The following SRPK1 variants were observed in gnomAD, a reference collection of about 807,000 sequenced individuals.
SRPK1 encodes the protein SRSF protein kinase 1.
SRPK1 carries 52 observed loss-of-function variants against 89.5 expected under a neutral mutation model. The observed-to-expected ratio is 0.58, with a 90% CI of 0.46 to 0.73. The LOEUF (loss-of-function observed/expected upper bound fraction) is 0.73, where lower values mean the gene tolerates loss of function less well. Among genes scored for constraint, SRPK1 ranks in the 30% least tolerant of loss-of-function variants. The pLI, the probability that SRPK1 is intolerant of heterozygous loss-of-function variation, is 0.00. For synonymous variants in SRPK1, 255 were observed against 270.2 expected, an observed-to-expected ratio of 0.94 and a Z score of 0.55; for missense variants, 603 against 780.6, an observed-to-expected ratio of 0.77 and a Z score of 2.71.
At chr6:35,839,132 C>T (rs1164969039) in intron 14 of SRPK1, among the ~76,000 whole-genome samples, 1 of 152,244 alleles carries the variant, frequency 6.6e-6, no homozygotes, top group Non-Finnish European at 1.5e-5. Context: ...CATTCTGTCT[C>T]AGCCTCCCCA....
At chr6:35,911,751 G>C (rs1341056212) in intron 2 of SRPK1, among the ~76,000 whole-genome samples, 1 of 151,796 alleles carries the variant, frequency 6.6e-6, no homozygotes, top group Non-Finnish European at 1.5e-5. Context: ...TCTTGAGATG[G>C]AATCTACTAT....
At chr6:35,914,360 TACA>T (rs1022064937) in intron 2 of SRPK1, among the ~76,000 whole-genome samples, 2 of 152,166 alleles carry the variant, frequency 1.3e-5, no homozygotes, top group Non-Finnish European at 2.9e-5. Context: ...AATTCAAAAT[TACA>T]ACAAGGTATT....
At chr6:35,915,078 G>A (rs1430507478) in intron 2 of SRPK1, among the ~76,000 whole-genome samples, 1 of 152,156 alleles carries the variant, frequency 6.6e-6, no homozygotes, top group Non-Finnish European at 1.5e-5. Flanking sequence ...TTACAGGCTT[G>A]AGCCACTGTG....
chr6:35,883,869 G>A (rs1219265437), intron 6 of SRPK1, among the ~76,000 whole-genome samples: 1 of 151,896 alleles, frequency 6.6e-6, no homozygotes, highest in Non-Finnish European at 1.5e-5. Context: ...TGAGTAGCTG[G>A]GACTACAGGC....
intron 2 of SRPK1, among the ~76,000 whole-genome samples, chr6:35,913,947 C>T (rs934918484): frequency 1.3e-4 from 20 of 149,084 alleles, no homozygotes; most frequent in Non-Finnish European, 2.4e-4. Context: ...AAAAGTCTGC[C>T]GCACAACAAA....
intron 2 of SRPK1, among the ~76,000 whole-genome samples, chr6:35,893,150 G>A (rs9470161): frequency 0.32 from 47,983 of 152,038 alleles, 7,807 homozygotes; most frequent in South Asian, 0.42. Context: ...AGATTAAGAT[G>A]GAATTCTGAA....
At chr6:35,864,568 A>C (rs566028764) in intron 12 of SRPK1, among the ~76,000 whole-genome samples, 39 of 152,324 alleles carry the variant, frequency 2.6e-4, no homozygotes, top group Middle Eastern at 6.8e-3. Context: ...GGATGTGGAG[A>C]AAAGGGAACC....
At chr6:35,846,055 G>A (rs368216523) in intron 13 of SRPK1, among the ~76,000 whole-genome samples, 1 of 152,178 alleles carries the variant, frequency 6.6e-6, no homozygotes, top group Non-Finnish European at 1.5e-5. Flanking sequence ...TTAAAAGGTT[G>A]CCAAAGAATA....
At chr6:35,847,003 C>A (rs1256870764) in intron 13 of SRPK1, among the ~76,000 whole-genome samples, 1 of 152,132 alleles carries the variant, frequency 6.6e-6, no homozygotes, top group African/African-American at 2.4e-5. Context: ...GAATGTACCT[C>A]AACACAATAA....
At chr6:35,916,462 T>C (rs1771104618) in intron 2 of SRPK1, among the ~76,000 whole-genome samples, 1 of 152,140 alleles carries the variant, frequency 6.6e-6, no homozygotes, top group Non-Finnish European at 1.5e-5. Context: ...TTTAAATTGT[T>C]TCAAATTTAC....
intron 12 of SRPK1, among the ~76,000 whole-genome samples, chr6:35,866,978 T>C (rs1237711691): frequency 2.0e-5 from 3 of 152,060 alleles, no homozygotes; most frequent in Admixed American, 2.0e-4. Flanking sequence ...CATGGAGGTA[T>C]AGTGTGGAAT....
chr6:35,863,352 G>T (rs923703366), intron 12 of SRPK1, among the ~76,000 whole-genome samples: 3 of 151,266 alleles, frequency 2.0e-5, no homozygotes, highest in African/African-American at 7.3e-5. Flanking sequence ...AGTTACTCAG[G>T]AGGCTGGGGC....
intron 6 of SRPK1, among the ~76,000 whole-genome samples, chr6:35,879,697 G>A (rs1337040097): frequency 2.0e-5 from 3 of 152,050 alleles, no homozygotes; most frequent in Admixed American, 1.3e-4. Context: ...ATATTCAAAC[G>A]ACAAAAATAA....
rs760495792 is a variant in SRPK1, at chr6:35,835,307, G to A, written c.1965C>T (p.Ser655=). The A allele has an allele frequency of 1.2e-5, 19 of 1,612,864 alleles. No individual in the cohort carries two copies. The South Asian group carries it at 2.1e-4, about 18-fold the overall frequency. Residue 655 remains serine (S), a synonymous_variant, in exon 16 of 16, where the codon TCC becomes TCT. Coordinates refer to ENST00000373825, the MANE Select transcript of SRPK1 (RefSeq NM_003137.5). ...AECLRHPWLN[S] ...TGCTGTGGTGCTGGGCAGGGGCTTA[G>A]GAGTTAAGCCAAGGGTGCCGGAGAC...
chr6:35,879,475 C>T (rs1271158515), intron 6 of SRPK1, among the ~76,000 whole-genome samples: 1 of 151,652 alleles, frequency 6.6e-6, no homozygotes, highest in Non-Finnish European at 1.5e-5. Flanking sequence ...GATTCCAGGA[C>T]ATCAAGGCTG....
chr6:35,841,288 T>C (rs1274572054), intron 14 of SRPK1, among the ~76,000 whole-genome samples: 1 of 152,182 alleles, frequency 6.6e-6, no homozygotes, highest in Non-Finnish European at 1.5e-5. Context: ...GCATAGCATT[T>C]TCCAAATGGT....
At chr6:35,914,419 A>C (rs1024607940) in intron 2 of SRPK1, among the ~76,000 whole-genome samples, 7 of 152,238 alleles carry the variant, frequency 4.6e-5, no homozygotes, top group Non-Finnish European at 1.0e-4. Context: ...AATATTACCT[A>C]GTTCTGGTGG....
At chr6:35,871,995 C>G (rs915142278) in intron 8 of SRPK1, among the ~76,000 whole-genome samples, 1 of 152,226 alleles carries the variant, frequency 6.6e-6, no homozygotes, top group Non-Finnish European at 1.5e-5. Context: ...CCCACCTCAA[C>G]CTCCCAAAGT....
chr6:35,908,603 A>G (rs1770897627), intron 2 of SRPK1, among the ~76,000 whole-genome samples: 1 of 152,256 alleles, frequency 6.6e-6, no homozygotes, highest in Non-Finnish European at 1.5e-5. Flanking sequence ...ATCATTTGAA[A>G]TTGGGACTTA....
Sources: allele counts gnomAD v4.1 joint callset (sites outside exome capture counted in the v4.1 genomes callset), GRCh38; gene constraint gnomAD v4.1.1; transcripts MANE v1.5; gene names NCBI Gene and HGNC (gene_info 2026-07-23, HGNC 2026-07-21).